The following ORC4 variants were observed in gnomAD, a reference collection of about 807,000 sequenced individuals.
ORC4 encodes the protein origin recognition complex subunit 4, also known as origin recognition complex, subunit 4 homolog.
ORC4 carries 55 observed loss-of-function variants against 63.9 expected under a neutral mutation model. The observed-to-expected ratio is 0.86, with a 90% confidence interval of 0.69 to 1.08. The LOEUF is 1.08. ORC4 is among the 50% of genes least tolerant of loss of function. ORC4 has a pLI of 0.00. For synonymous variants in ORC4, 150 were observed against 168.5 expected (o/e 0.89, Z 0.85); for missense variants, 511 against 504.4 (o/e 1.01, Z -0.13).
chr2:148,001,249 A>G (rs542679963), intron 1 of ORC4, among the ~76,000 whole-genome samples: 2 of 152,318 alleles, frequency 1.3e-5, no homozygotes, highest in South Asian at 2.1e-4. Context: ...TTAAAAACTT[A>G]AGCATGTGTT....
At chr2:148,008,842 C>T (rs112969726) in intron 1 of ORC4, among the ~76,000 whole-genome samples, 109 of 152,222 alleles carry the variant, frequency 7.2e-4, no homozygotes, top group African/African-American at 2.6e-3. Flanking sequence ...TGTAAGGGTG[C>T]ACCCTTCTAT....
At chr2:147,961,329 C>A (rs1027723000) in intron 4 of ORC4, among the ~76,000 whole-genome samples, 1 of 151,356 alleles carries the variant, frequency 6.6e-6, no homozygotes, top group Non-Finnish European at 1.5e-5. Context: ...CCCAGCTACT[C>A]GGGAGGCAAA....
rs201854249 is a variant in ORC4 at position 147,943,538 on chromosome 2, A to G, written c.763-16T>C. On this transcript the variant is annotated splice_polypyrimidine_tract_variant and intron_variant, in intron 9 of 13. Coordinates refer to ENST00000392857, the MANE Select transcript of ORC4 (RefSeq NM_181741.4). ...CTGAGAGATACTAAAAGGAAAAAAA[A>G]AAAAAAAGCCAAAATTGAGGAAAGA... 1.2e-4 allele frequency: 175 copies of G among 1,499,576 alleles called. 1 individual carries two copies. The East Asian group carries it at 3.9e-3, about 33-fold the overall frequency. 92.9% of individuals were successfully genotyped at this position (1,499,576 alleles called of 1,614,324 possible).
chr2:147,985,774 T>A (rs1691168023), intron 1 of ORC4, among the ~76,000 whole-genome samples: 1 of 152,174 alleles, frequency 6.6e-6, no homozygotes, highest in African/African-American at 2.4e-5. Context: ...ATTTGAAGTT[T>A]GGTCAATTTA....
chr2:147,961,874 G>T (rs1689613593), intron 4 of ORC4, among the ~76,000 whole-genome samples: 1 of 152,130 alleles, frequency 6.6e-6, no homozygotes, highest in African/African-American at 2.4e-5. Flanking sequence ...TTATGAAAAG[G>T]TGCTATAACG....
chr2:147,960,911 G>C (rs1464542835), intron 4 of ORC4, among the ~76,000 whole-genome samples: 1 of 151,998 alleles, frequency 6.6e-6, no homozygotes, highest in Non-Finnish European at 1.5e-5. Context: ...TATTTTCTAG[G>C]GGTCAATCTG....
intron 6 of ORC4, among the ~76,000 whole-genome samples, chr2:147,956,097 A>T (rs185076295): frequency 7.5e-4 from 114 of 152,146 alleles, no homozygotes; most frequent in African/African-American, 2.6e-3. Flanking sequence ...TGTTTCATTA[A>T]AATTATTAAC....
upstream of ORC4, chr2:148,021,272 G>T: frequency 2.8e-6 from 1 of 351,966 alleles, no homozygotes; most frequent in Non-Finnish European, 5.6e-6. Flanking sequence ...CCAGCCCTGA[G>T]CCCTGAGAGG....
At chr2:147,984,064 T>A (rs1691049921) in intron 1 of ORC4, among the ~76,000 whole-genome samples, 1 of 152,192 alleles carries the variant, frequency 6.6e-6, no homozygotes, top group Admixed American at 6.5e-5. Flanking sequence ...GGTACTGGAA[T>A]CAAAGCAAAT....
At chr2:148,005,417 A>G (rs185367498) in intron 1 of ORC4, among the ~76,000 whole-genome samples, 1 of 152,182 alleles carries the variant, frequency 6.6e-6, no homozygotes, top group East Asian at 1.9e-4. Flanking sequence ...TGGGGGGGCT[A>G]AGGGAGGGAT....
intron 1 of ORC4, among the ~76,000 whole-genome samples, chr2:148,019,602 A>C (rs1011593510): frequency 3.9e-5 from 6 of 152,248 alleles, no homozygotes; most frequent in African/African-American, 1.4e-4. Flanking sequence ...AACAAAAAAC[A>C]AACAAAAAGA....
chr2:147,960,780 T>C (rs757906099), intron 4 of ORC4, among the ~76,000 whole-genome samples: 3 of 152,144 alleles, frequency 2.0e-5, no homozygotes, highest in Non-Finnish European at 4.4e-5. Context: ...TCTGAGTGCT[T>C]TGAGAGGCAG....
At chr2:148,021,513 A>ACTGCTGCTGCTACTG (rs1448127351), upstream of ORC4, 2 of 567,594 alleles carry the variant, frequency 3.5e-6, no homozygotes, top group East Asian at 4.6e-5. Flanking sequence ...TGCTGCTGCT[A>ACTGCTGCTGCTACTG]CTGCTGCTGC....
At chr2:147,952,304 C>A in intron 8 of ORC4, 69 bp downstream of exon 8, 1 of 1,139,682 alleles carries the variant, frequency 8.8e-7, no homozygotes, top group Non-Finnish European at 1.3e-6. Flanking sequence ...AAAAAACTAG[C>A]AGTGTCAGCA....
At chr2:148,019,416 C>A (rs1693534496) in intron 1 of ORC4, among the ~76,000 whole-genome samples, 1 of 152,120 alleles carries the variant, frequency 6.6e-6, no homozygotes, top group East Asian at 1.9e-4. Context: ...ATGGTGAAAC[C>A]CCGTCCCTAC....
chr2:148,001,971 T>C (rs1692339318), intron 1 of ORC4, among the ~76,000 whole-genome samples: 1 of 152,110 alleles, frequency 6.6e-6, no homozygotes, highest in African/African-American at 2.4e-5. Context: ...TAGTCTCTGA[T>C]AAAACAGACT....
intron 7 of ORC4, among the ~76,000 whole-genome samples, chr2:147,955,009 C>T (rs1213951846): frequency 6.6e-6 from 1 of 151,598 alleles, no homozygotes. Flanking sequence ...ATAAATAGCA[C>T]CTTATAAAAC....
Position 147,972,726 on chromosome 2 carries a change from C to G in ORC4, c.225+13G>C. The G allele has an allele frequency of 1.9e-6, 3 of 1,556,616 alleles. No individual in the cohort carries two copies. Among genetic ancestry groups the G allele is most frequent in the South Asian group, 2.3e-5 (2 of 88,096 alleles). On this transcript the variant is annotated intron_variant, in intron 4 of 13. Transcript: ENST00000392857. Reference sequence around the variant, plus strand: ...TCACATGCCAACAAACACCAGAAATCAACAGCTTTTACCATAGTTTTTCCT... The same window carrying G: ...TCACATGCCAACAAACACCAGAAATGAACAGCTTTTACCATAGTTTTTCCT...
chr2:148,013,743 T>G (rs1239401307), intron 1 of ORC4, among the ~76,000 whole-genome samples: 1 of 152,120 alleles, frequency 6.6e-6, no homozygotes, highest in Non-Finnish European at 1.5e-5. Context: ...ATGAGTTAAG[T>G]TAAAAAAATT....
Sources: gnomAD v4.1 joint callset for allele counts (sites outside exome capture counted in the v4.1 genomes callset) on GRCh38, gnomAD v4.1.1 for gene constraint, MANE v1.5 for transcripts, NCBI Gene and HGNC (gene_info 2026-07-23, HGNC 2026-07-21) for gene names.